The following SORCS2 variants were observed in gnomAD, a reference collection of about 807,000 sequenced individuals.
The protein encoded by SORCS2 is VPS10 domain-containing receptor SorCS2.
A neutral mutation model predicts 141.6 loss-of-function variants in SORCS2; 100 were observed. The ratio of observed to expected loss-of-function variants is 0.71; its 90% CI spans 0.60 to 0.83. SORCS2 has a LOEUF of 0.83. Ranked by LOEUF, SORCS2 falls within the 40% of genes least tolerant of loss-of-function variation. SORCS2 has a pLI of 0.00. For synonymous variants in SORCS2, 789 were observed against 676.9 expected (o/e 1.17, Z -2.57); for missense variants, 1,646 against 1,560.2 (o/e 1.05, Z -0.93).
intron 1 of SORCS2, among the ~76,000 whole-genome samples, chr4:7,388,633 G>A (rs550032289): frequency 3.9e-5 from 6 of 152,146 alleles, no homozygotes; most frequent in African/African-American, 1.4e-4. Flanking sequence ...TCAAGCAGAG[G>A]TGAATACAGA....
In SORCS2 at chr4:7,701,622, G is replaced by A. The variant is rs182585853; in HGVS notation, c.1669-1658G>A. 3.5e-3 allele frequency among the ~76,000 whole-genome samples: 527 copies of A among 152,260 alleles called. 5 individuals are homozygous for A. Among genetic ancestry groups the A allele is most frequent in the African/African-American group, 0.012 (504 of 41,536 alleles). ...AAGTTCTGGTGGGGTTGAGGAGCAT[G>A]GGGGTCAGGGTACCTGCTGGACACC... On this transcript the variant is annotated intron_variant, in intron 12 of 26. Transcript: ENST00000507866.
At chr4:7,640,237 T>TGA (rs1195151623) in intron 4 of SORCS2, among the ~76,000 whole-genome samples, 12 of 149,932 alleles carry the variant, frequency 8.0e-5, no homozygotes, top group Non-Finnish European at 1.6e-4. Flanking sequence ...CGTGTGTGTG[T>TGA]GAGAACCTAT....
chr4:7,215,827 C>A (rs1728311735), intron 1 of SORCS2, among the ~76,000 whole-genome samples: 1 of 152,024 alleles, frequency 6.6e-6, no homozygotes, highest in Non-Finnish European at 1.5e-5. Flanking sequence ...ACGTGGAGAA[C>A]CTTTGTATCT....
At chr4:7,654,476 T>A (rs925806278) in intron 5 of SORCS2, among the ~76,000 whole-genome samples, 2 of 152,186 alleles carry the variant, frequency 1.3e-5, no homozygotes, top group African/African-American at 4.8e-5. Context: ...GCCACGTTTT[T>A]ACCCATGAAC....
intron 1 of SORCS2, among the ~76,000 whole-genome samples, chr4:7,267,950 C>T (rs556823467): frequency 6.6e-6 from 1 of 152,334 alleles, no homozygotes; most frequent in Non-Finnish European, 1.5e-5. Flanking sequence ...GGTAGGTGAC[C>T]TTTATGCTCA....
rs1182096528 is a variant in SORCS2 at position 7,716,124 on chromosome 4, G to C, written c.2252+813G>C. On this transcript the variant is annotated intron_variant, in intron 17 of 26. Coordinates refer to ENST00000507866, the MANE Select transcript of SORCS2 (RefSeq NM_020777.3). ...TAAAAGCTGTGAGCCTTCAGCTTTA[G>C]GAGGTCCCAAACGTGCTCCGTCAGA... Among the ~76,000 whole-genome samples, 4 of 152,336 alleles carry C rather than the reference G, an allele frequency of 2.6e-5. No homozygotes were observed. In the East Asian group the frequency reaches 5.8e-4, roughly 22 times the overall value.
rs550209342 is a variant in SORCS2, at chr4:7,542,706, G to A, written c.648+11077G>A. 1.2e-4 allele frequency among the ~76,000 whole-genome samples: 19 copies of A among 152,330 alleles called. No individual in the cohort carries two copies. In the South Asian group the frequency reaches 2.1e-3, roughly 17 times the overall value. On this transcript the variant is annotated intron_variant, in intron 3 of 26. Coordinates refer to ENST00000507866, the MANE Select transcript of SORCS2 (RefSeq NM_020777.3). ...ACACTTTGTCTCGGAAGCCCCAGAC[G>A]CTGATGAGAATGGAGTCGCTCACGT...
rs1725855181 is a variant in SORCS2 at position 7,712,050 on chromosome 4, A to G, written c.1869-683A>G. On this transcript the variant is annotated intron_variant, in intron 14 of 26. Transcript: ENST00000507866. ...TTGGGGTTCAGGATGTTCAGATCTT[A>G]GGAAGGTAACACAGGCCTGTACCAT... 2.6e-5 allele frequency among the ~76,000 whole-genome samples: 4 copies of G among 152,102 alleles called. No individual in the cohort carries two copies. The South Asian group carries it at 8.3e-4, about 31-fold the overall frequency.
At chr4:7,469,268 T>G (rs1318910372) in intron 2 of SORCS2, among the ~76,000 whole-genome samples, 3 of 151,548 alleles carry the variant, frequency 2.0e-5, no homozygotes, top group African/African-American at 7.3e-5. Flanking sequence ...GTAATGGTGG[T>G]GTTGGTGATG....
In SORCS2 at chr4:7,740,886, G is replaced by A. The variant is rs1348992516; in HGVS notation, c.*622G>A. The A allele has an allele frequency of 3.3e-5, 13 of 397,280 alleles. No individual in the cohort carries two copies. The highest frequency in any genetic ancestry group is 2.5e-4 in the East Asian group (7 of 28,004). 24.6% of individuals were successfully genotyped at this position (397,280 alleles called of 1,614,324 possible). On this transcript the variant is annotated 3_prime_UTR_variant, in exon 27 of 27. Coordinates refer to ENST00000507866, the MANE Select transcript of SORCS2 (RefSeq NM_020777.3). ...CTCACTCTCTGTCTTTATAGCCGGC[G>A]GTAGCCACCGGGGTGGCTCTGTCAG...
chr4:7,303,491 A>G (rs1324533303), intron 1 of SORCS2, among the ~76,000 whole-genome samples: 1 of 152,130 alleles, frequency 6.6e-6, no homozygotes, highest in African/African-American at 2.4e-5. Context: ...TTCATTTGAC[A>G]TGCAATCAAA....
intron 4 of SORCS2, among the ~76,000 whole-genome samples, chr4:7,639,340 T>C (rs1029064009): frequency 6.6e-6 from 1 of 152,218 alleles, no homozygotes; most frequent in Non-Finnish European, 1.5e-5. Flanking sequence ...CAGTATCTCC[T>C]GGCTGTGGCC....
rs1383447809 is a variant in SORCS2, at chr4:7,192,569, G to A, written c.-78G>A. 4 of 981,806 alleles carry A rather than the reference G, an allele frequency of 4.1e-6. No individual in the cohort carries two copies. In the East Asian group the frequency reaches 4.5e-4, roughly 112 times the overall value. The allele number at this position is 981,806 out of a possible 1,614,324, so 60.8% of individuals were successfully genotyped here. On this transcript the variant is annotated 5_prime_UTR_variant, in exon 1 of 27. Coordinates refer to ENST00000507866, the MANE Select transcript of SORCS2 (RefSeq NM_020777.3). The surrounding 1 kb of genome is among the most constrained non-coding windows in gnomAD (Gnocchi z 4.0). ...TCTGCGCTCTCGCTCGCGCTCCCCA[G>A]CGCCCTCCTGCTCTCCCGGCCGCGG...
chr4:7,270,345 G>A (rs1287400121), intron 1 of SORCS2, among the ~76,000 whole-genome samples: 5 of 152,254 alleles, frequency 3.3e-5, no homozygotes, highest in Non-Finnish European at 5.9e-5. Flanking sequence ...AGCTCCCCAC[G>A]GCTGCGTTCA....
intron 3 of SORCS2, among the ~76,000 whole-genome samples, chr4:7,579,821 A>G (rs1048365797): frequency 6.6e-6 from 1 of 152,148 alleles, no homozygotes; most frequent in African/African-American, 2.4e-5. Context: ...AAGACACACA[A>G]TGCCAGGAAA....
chr4:7,369,432 T>C (rs1299684549), intron 1 of SORCS2, among the ~76,000 whole-genome samples: 2 of 152,230 alleles, frequency 1.3e-5, no homozygotes, highest in East Asian at 3.9e-4. Flanking sequence ...CACTATGAGC[T>C]GGTCTCTCCT....
chr4:7,494,025 A>C (rs2109408278), intron 2 of SORCS2, among the ~76,000 whole-genome samples: 1 of 139,752 alleles, frequency 7.2e-6, no homozygotes, highest in Non-Finnish European at 1.6e-5. Context: ...ACATTCACAC[A>C]CACACACAGA....
intron 2 of SORCS2, chr4:7,432,693 G>GGT (rs1453101965): frequency 6.6e-6 from 1 of 152,212 alleles, no homozygotes; most frequent in Non-Finnish European, 1.5e-5. Context: ...CATGGGGGGG[G>GGT]ACTGCTCCGA....
chr4:7,722,465 A>T (rs1726656750), intron 18 of SORCS2, among the ~76,000 whole-genome samples: 1 of 152,050 alleles, frequency 6.6e-6, no homozygotes, highest in Admixed American at 6.5e-5. Flanking sequence ...GGTGGCCTGA[A>T]CCCACACAAG....
Sources: gnomAD v4.1 joint callset for allele counts (sites outside exome capture counted in the v4.1 genomes callset) on GRCh38, gnomAD v4.1.1 for gene constraint, Gnocchi (gnomAD v3.1) non-coding constraint, MANE v1.5 for transcripts, NCBI Gene and HGNC (gene_info 2026-07-23, HGNC 2026-07-21) for gene names.